PASD1: variants seen among roughly 807,000 people sequenced by gnomAD.
The protein encoded by PASD1 is circadian clock protein PASD1.
In PASD1, 13 loss-of-function variants were observed where a neutral mutation model predicts 58.8. The observed-to-expected ratio is 0.22, with a 90% CI of 0.14 to 0.35. PASD1 has a LOEUF of 0.35. Ranked by LOEUF, PASD1 falls within the 10% of genes least tolerant of loss-of-function variation. The pLI is 1.00. For synonymous variants in PASD1, 236 were observed against 216.7 expected, an observed-to-expected ratio of 1.09 and a Z score of -0.78; for missense variants, 734 against 568.3, an observed-to-expected ratio of 1.29 and a Z score of -2.96.
At chrX:151,596,853 G>C (rs1447290248) in intron 1 of PASD1, among the ~76,000 whole-genome samples, 1 of 111,806 alleles carries the variant, frequency 8.9e-6, no homozygotes, top group Non-Finnish European at 1.9e-5. Context: ...GGAACTTCCT[G>C]TCTATTCCTA....
chrX:151,645,060 T>C lies in PASD1; in HGVS notation c.630-3555T>C, dbSNP rs139308657. Among the ~76,000 whole-genome samples, 564 of 111,496 alleles carry C rather than the reference T, an allele frequency of 5.1e-3. 5 individuals carry two copies. The highest frequency in any genetic ancestry group is 0.017 in the African/African-American group (531 of 30,654). On this transcript the variant is annotated intron_variant, in intron 8 of 15. Transcript: ENST00000370357. ...CAGTTGGATTTGAAGGAAAAGATGA[T>C]ACCTGATCCTTGACTCAAGATTTTA...
intron 2 of PASD1, among the ~76,000 whole-genome samples, chrX:151,603,122 C>T (rs943078612): frequency 8.9e-6 from 1 of 112,706 alleles, no homozygotes; most frequent in African/African-American, 3.2e-5. Flanking sequence ...TATCTGTCTA[C>T]GCTGCCCCGT....
At chrX:151,601,764 C>T (rs981078325) in intron 2 of PASD1, among the ~76,000 whole-genome samples, 183 bp downstream of exon 2, 2 of 111,240 alleles carry the variant, frequency 1.8e-5, no homozygotes, top group African/African-American at 6.6e-5. Flanking sequence ...CTTAGCACAT[C>T]ACCTGTTTAC....
At chrX:151,608,421 G>A (rs2013513335) in intron 3 of PASD1, among the ~76,000 whole-genome samples, 1 of 111,439 alleles carries the variant, frequency 9.0e-6, no homozygotes, top group South Asian at 3.7e-4. Flanking sequence ...TTTTAAAATA[G>A]ATTCTGGAAA....
At chrX:151,673,613 C>T (rs2014505769) in intron 14 of PASD1, 3 of 334,852 alleles carry the variant, frequency 9.0e-6, no homozygotes, top group Admixed American at 9.7e-5. Context: ...CCATTAGCTC[C>T]CTGAGTGCTT....
chrX:151,639,655 A>G (rs2013974655), intron 8 of PASD1, among the ~76,000 whole-genome samples: 1 of 110,647 alleles, frequency 9.0e-6, no homozygotes, highest in Admixed American at 9.6e-5. Context: ...CCTGCTTTCT[A>G]CTCTCGTACT....
Position 151,671,713 on chromosome X carries a change from T to C in PASD1, c.1371T>C (p.Gly457=), listed in dbSNP as rs6627174. The change falls in exon 13 of 16, where the codon GGT becomes GGC. Residue 457 remains glycine (G), a synonymous_variant. Coordinates refer to ENST00000370357, the MANE Select transcript of PASD1 (RefSeq NM_173493.3). ...CCAAGGACGTCAAGTGTTTCTGTGG[T>C]TTATCTTTATCCAACTCTCTCAAAA... ...PHPKDVKCFC[G]LSLSNSLKNT... 304,760 of 1,208,053 alleles carry C rather than the reference T, an allele frequency of 0.25. 31,243 individuals carry two copies. Among genetic ancestry groups the C allele is most frequent in the East Asian group, 0.85 (28,760 of 33,672 alleles).
At chrX:151,641,185 G>A (rs1040550009) in intron 8 of PASD1, 3 of 110,020 alleles carry the variant, frequency 2.7e-5, no homozygotes, top group African/African-American at 9.9e-5. Flanking sequence ...TTCCTCTTTT[G>A]ATGTGTTTGT....
intron 1 of PASD1, among the ~76,000 whole-genome samples, chrX:151,597,509 T>C (rs2013335521): frequency 8.9e-6 from 1 of 111,832 alleles, no homozygotes; most frequent in Non-Finnish European, 1.9e-5. Context: ...ATTTATAATA[T>C]GCCCTTTCAT....
At chrX:151,622,879 G>C (rs1385877890) in intron 6 of PASD1, 58 bp from the exon 7 acceptor site, 1 of 1,133,863 alleles carries the variant, frequency 8.8e-7, no homozygotes, top group Non-Finnish European at 1.2e-6. Flanking sequence ...TCAGGTATTT[G>C]TCTTCTTGTT....
intron 8 of PASD1, among the ~76,000 whole-genome samples, chrX:151,632,346 AGAAG>A (rs1476598780): frequency 9.0e-6 from 1 of 111,394 alleles, no homozygotes; most frequent in Non-Finnish European, 1.9e-5. Flanking sequence ...TATTCCAGAC[AGAAG>A]GAAGAGCAGA....
intron 8 of PASD1, among the ~76,000 whole-genome samples, chrX:151,628,924 T>A (rs1211319744): frequency 9.0e-6 from 1 of 111,471 alleles, no homozygotes; most frequent in Non-Finnish European, 1.9e-5. Context: ...GTAAGTTGGA[T>A]TCCTAGGTAT....
intron 1 of PASD1, among the ~76,000 whole-genome samples, chrX:151,583,543 G>T (rs1250924029): frequency 8.9e-6 from 1 of 111,922 alleles, no homozygotes; most frequent in East Asian, 2.8e-4. Flanking sequence ...TTTGGAAGAA[G>T]AATGATAGTA....
At chrX:151,671,456 G>A (rs1602969040) in intron 12 of PASD1, 117 bp from the exon 13 acceptor site, 2 of 929,333 alleles carry the variant, frequency 2.2e-6, no homozygotes, top group East Asian at 3.1e-5. Context: ...CTTATATATA[G>A]CCAAGGCTTC....
chrX:151,650,880 T>C (rs755778477), intron 9 of PASD1, among the ~76,000 whole-genome samples: 1 of 110,626 alleles, frequency 9.0e-6, no homozygotes, highest in African/African-American at 3.3e-5. Flanking sequence ...CGAGTTGAGA[T>C]TGAGGTGAGA....
In PASD1 at chrX:151,649,812, G is replaced by A. The variant is rs758421001; in HGVS notation, c.717+1110G>A. Among the ~76,000 whole-genome samples the A allele has an allele frequency of 3.6e-5, 4 of 112,117 alleles. No homozygotes were observed. The Admixed American group carries it at 3.8e-4, about 11-fold the overall frequency. On this transcript the variant is annotated intron_variant, in intron 9 of 15. Transcript: ENST00000370357. The stretch of plus-strand genomic sequence containing the variant: ...GCATAGACTCTAACTTTGGTTTTCA[G>A]GCCTCCATGTGTTTTGCCTGAATGA...
chrX:151,575,234 G>A (rs2012987028), intron 1 of PASD1, among the ~76,000 whole-genome samples: 1 of 108,392 alleles, frequency 9.2e-6, no homozygotes, highest in Admixed American at 9.9e-5. Context: ...GGGGTGGGGG[G>A]AGGTGATGAA....
At chrX:151,590,634 G>A (rs1378051300) in intron 1 of PASD1, among the ~76,000 whole-genome samples, 1 of 111,379 alleles carries the variant, frequency 9.0e-6, no homozygotes, top group Non-Finnish European at 1.9e-5. Context: ...AGGCTGGAGT[G>A]CAGTGGTGCC....
intron 8 of PASD1, among the ~76,000 whole-genome samples, chrX:151,634,422 T>G (rs933377087): frequency 3.1e-4 from 35 of 111,762 alleles, no homozygotes; most frequent in Non-Finnish European, 3.2e-4. Flanking sequence ...ATCAGGAATT[T>G]TGGTATCTGT....
Sources: allele counts gnomAD v4.1 joint callset (sites outside exome capture counted in the v4.1 genomes callset), GRCh38; gene constraint gnomAD v4.1.1; transcripts MANE v1.5; gene names NCBI Gene and HGNC (gene_info 2026-07-23, HGNC 2026-07-21).